TCERG1: variants seen among roughly 807,000 people sequenced by gnomAD.
The protein encoded by TCERG1 is TATA box binding protein (TBP)-associated factor, RNA polymerase II, S, 150kD.
Under a neutral mutation model 144.7 loss-of-function variants are expected in TCERG1, and 37 were observed. That is an observed-to-expected ratio of 0.26 (90% CI 0.20 to 0.34). The LOEUF (loss-of-function observed/expected upper bound fraction) is 0.34, where lower values mean the gene tolerates loss of function less well. Ranked by LOEUF, TCERG1 falls within the 10% of genes least tolerant of loss-of-function variation. The pLI is 1.00. For missense variants in TCERG1, 1,027 were observed against 1,380.7 expected (o/e 0.74, Z 4.06); for synonymous variants, 492 against 458.2 (o/e 1.07, Z -0.94).
chr5:146,492,817 A>G (rs1766551246), intron 15 of TCERG1, 103 bp from the exon 16 acceptor site: 1 of 778,756 alleles, frequency 1.3e-6, no homozygotes, highest in African/African-American at 1.8e-5. Flanking sequence ...CAGTTAATAT[A>G]TTTTTCCTGG....
At position 146,487,612 on chromosome 5, in the gene TCERG1, A is replaced by G. The variant is rs551468402; in HGVS notation, c.2163+3983A>G. The stretch of plus-strand genomic sequence containing the variant: ...TAGCCAGGTGTGGTGTCGTGCACCT[A>G]TAGTCCAAGCTACTTGGGAGACTAA... On this transcript the variant is annotated intron_variant, in intron 15 of 22. Transcript: ENST00000679501. 2.0e-4 allele frequency among the ~76,000 whole-genome samples: 31 copies of G among 152,100 alleles called. No individual in the cohort carries two copies. In the South Asian group the frequency reaches 5.0e-3, roughly 24 times the overall value.
chr5:146,458,620 C>T (rs751080732), intron 3 of TCERG1, among the ~76,000 whole-genome samples: 56 of 151,962 alleles, frequency 3.7e-4, no homozygotes, highest in African/African-American at 9.2e-4. Flanking sequence ...TTACAGATGC[C>T]GGCCACCACA....
intron 17 of TCERG1, chr5:146,499,794 T>A (rs1767266069): frequency 6.6e-6 from 1 of 152,220 alleles, no homozygotes; most frequent in African/African-American, 2.4e-5. Flanking sequence ...ACTTTTTTTA[T>A]AACTATTTTA....
At chr5:146,486,412 ATTTG>A (rs1765835176) in intron 15 of TCERG1, among the ~76,000 whole-genome samples, 1 of 152,180 alleles carries the variant, frequency 6.6e-6, no homozygotes, top group East Asian at 1.9e-4. Flanking sequence ...TTTTTGTTTT[ATTTG>A]TTATGACAAA....
At chr5:146,493,063 A>G (rs1260887938) in intron 16 of TCERG1, 25 bp downstream of exon 16, 1 of 1,431,898 alleles carries the variant, frequency 7.0e-7, no homozygotes, top group Middle Eastern at 1.8e-4. Context: ...TCTCTTAAAT[A>G]TCAAAGTGTA....
chr5:146,469,509 T>C, intron 6 of TCERG1, 35 bp from the exon 7 acceptor site: 1 of 1,527,070 alleles, frequency 6.5e-7, no homozygotes, highest in Non-Finnish European at 8.8e-7. Flanking sequence ...TGCGGTTTGA[T>C]ACTTGGATCT....
Position 146,479,456 on chromosome 5 carries a change from G to T in TCERG1, c.1763-399G>T, listed in dbSNP as rs115442496. Among the ~76,000 whole-genome samples, 1,300 of 152,092 alleles carry T rather than the reference G, an allele frequency of 8.5e-3. 15 individuals are homozygous for T. Among genetic ancestry groups the T allele is most frequent in the Admixed American group, 0.019 (285 of 15,270 alleles). ...ACCTTCAGCAATACTTGTTTTATAG[G>T]TATGATAATAATACTTTATAACTAT... is the stretch of plus-strand genomic sequence containing the variant. On this transcript the variant is annotated intron_variant, in intron 10 of 22. Transcript: ENST00000679501.
At position 146,510,810 on chromosome 5, in the gene TCERG1, C is replaced by A; in HGVS notation, c.*168C>A. 1 of 570,002 alleles carries A rather than the reference C, an allele frequency of 1.8e-6. No homozygotes were observed. Among genetic ancestry groups the A allele is most frequent in the Non-Finnish European group, 2.9e-6 (1 of 349,596 alleles). The allele number at this position is 570,002 out of a possible 1,614,324, so 35.3% of individuals were successfully genotyped here. On this transcript the variant is annotated 3_prime_UTR_variant, in exon 23 of 23. Transcript: ENST00000679501. ...ACAGAACACTTTGGAAATATTTATGCTTTTCTTTGTGTGGCATGACTGACA... is the reference window on the plus strand; with the variant it reads ...ACAGAACACTTTGGAAATATTTATGATTTTCTTTGTGTGGCATGACTGACA...
In TCERG1 at chr5:146,504,014, T is replaced by C. The variant is rs1767715857; in HGVS notation, c.2781+8T>C. 1 of 1,513,854 alleles carries C rather than the reference T, an allele frequency of 6.6e-7. No individual in the cohort carries two copies. The highest frequency in any genetic ancestry group is 8.8e-7 in the Non-Finnish European group (1 of 1,132,594). The allele number at this position is 1,513,854 out of a possible 1,614,324, so 93.8% of individuals were successfully genotyped here. On this transcript the variant is annotated splice_region_variant and intron_variant, in intron 19 of 22. Transcript: ENST00000679501. ...GCTCTTCTGTCTGACATGGTATACG[T>C]TAATCTTTTACTTTTTTTCTCTAAA...
At chr5:146,503,264 T>C in intron 17 of TCERG1, 111 bp from the exon 18 acceptor site, 1 of 933,700 alleles carries the variant, frequency 1.1e-6, no homozygotes, top group East Asian at 2.6e-5. Context: ...GTTATTATTC[T>C]CATATTTAAG....
At chr5:146,493,159 T>G in intron 16 of TCERG1, 121 bp downstream of exon 16, 1 of 712,364 alleles carries the variant, frequency 1.4e-6, no homozygotes, top group Non-Finnish European at 2.2e-6. Flanking sequence ...CTTATTTGAT[T>G]ATCGGTTTTT....
chr5:146,489,876 C>T (rs1159324782), intron 15 of TCERG1, among the ~76,000 whole-genome samples: 1 of 152,080 alleles, frequency 6.6e-6, no homozygotes, highest in Non-Finnish European at 1.5e-5. Flanking sequence ...AAGCATGACA[C>T]AAATTAGGAG....
chr5:146,460,861 G>A (rs1763274255), intron 4 of TCERG1, among the ~76,000 whole-genome samples: 1 of 152,162 alleles, frequency 6.6e-6, no homozygotes, highest in African/African-American at 2.4e-5. Flanking sequence ...AGTCTGTTAA[G>A]GGTTGTTACC....
Position 146,494,637 on chromosome 5 carries a change from G to A in TCERG1, c.2282+1599G>A, listed in dbSNP as rs188350874. Among the ~76,000 whole-genome samples the A allele has an allele frequency of 3.6e-4, 55 of 152,064 alleles. No homozygotes were observed. In the Middle Eastern group the frequency reaches 0.017, roughly 47 times the overall value. ...TTTTAGTTCTAGAAGAATGCAAGGA[G>A]GAAAAACTTTAAAATGAGAAAATGT... On this transcript the variant is annotated intron_variant, in intron 16 of 22. Coordinates refer to ENST00000679501, the MANE Select transcript of TCERG1 (RefSeq NM_001382548.1).
intron 15 of TCERG1, among the ~76,000 whole-genome samples, chr5:146,489,532 A>G (rs1389929652): frequency 6.6e-6 from 1 of 152,194 alleles, no homozygotes; most frequent in Non-Finnish European, 1.5e-5. Context: ...TCATTGAATC[A>G]GTGTGAAATT....
rs1765557035 is a variant in TCERG1 at position 146,483,613 on chromosome 5, C to T, written c.2147C>T (p.Pro716Leu). The change falls in exon 15 of 23, where the codon CCT (proline) becomes CTT (leucine). Residue 716 changes from proline to leucine, a missense_variant. By Grantham distance (98) the Pro-to-Leu change is moderately conservative. Around this residue, in one of 6 missense-constraint regions of TCERG1, gnomAD observed 482 missense variants for 632.6 expected, o/e 0.76. Transcript: ENST00000679501. Reference sequence around the variant, plus strand: ...GATCCCCGGTACTTACTTCTCAATCCTAAAGAGAGAAAACAGGTAAAAGGA... The same window carrying T: ...GATCCCCGGTACTTACTTCTCAATCTTAAAGAGAGAAAACAGGTAAAAGGA... ...VFDPRYLLLNPKERKQVFDQY... is the reference protein window; with the variant it reads ...VFDPRYLLLNLKERKQVFDQY... 1 of 1,610,374 alleles carries T rather than the reference C, an allele frequency of 6.2e-7. No homozygotes were observed. Among genetic ancestry groups the T allele is most frequent in the Non-Finnish European group, 8.5e-7 (1 of 1,178,174 alleles).
At chr5:146,498,454 T>G (rs1767136815) in intron 16 of TCERG1, 82 bp from the exon 17 acceptor site, 1 of 1,439,624 alleles carries the variant, frequency 6.9e-7, no homozygotes, top group African/African-American at 1.4e-5. Flanking sequence ...TATACTCTTG[T>G]TGGAAAAATG....
chr5:146,492,623 G>A (rs920646107), intron 15 of TCERG1, among the ~76,000 whole-genome samples: 1 of 151,968 alleles, frequency 6.6e-6, no homozygotes, highest in East Asian at 1.9e-4. Context: ...TTTCTCTTCC[G>A]CATTTCTAAA....
rs773220645 is a variant in TCERG1, at chr5:146,510,509, A to G, written c.3215A>G (p.Lys1072Arg). 4 of 1,614,164 alleles carry G rather than the reference A, an allele frequency of 2.5e-6. No homozygotes were observed. Among genetic ancestry groups the G allele is most frequent in the South Asian group, 1.1e-5 (1 of 91,084 alleles). ...GTAGAAAAAATTTTACAGAATGACA[A>G]ACGGTATCTAGTACTGGACTGTGTG... Reference protein sequence around the residue: ...KDVEKILQNDKRYLVLDCVPE... With the variant: ...KDVEKILQNDRRYLVLDCVPE... Residue 1072 changes from lysine (K) to arginine (R), a missense_variant, in exon 23 of 23, where the codon AAA (lysine) becomes AGA (arginine). Transcript: ENST00000679501.
Sources: gnomAD v4.1 joint callset for allele counts (sites outside exome capture counted in the v4.1 genomes callset) on GRCh38, gnomAD v4.1.1 for gene constraint, gnomAD v4.1.1 regional missense constraint, MANE v1.5 for transcripts, NCBI Gene and HGNC (gene_info 2026-07-23, HGNC 2026-07-21) for gene names.